DLGAP1: variants seen among roughly 807,000 people sequenced by gnomAD.
The protein encoded by DLGAP1 is DLG associated protein 1.
DLGAP1 carries 11 observed loss-of-function variants against 90.8 expected under a neutral mutation model. The observed-to-expected ratio is 0.12, with a 90% CI of 0.08 to 0.20. DLGAP1 has a LOEUF of 0.20. DLGAP1 is among the 10% of genes least tolerant of loss of function. DLGAP1 has a pLI of 1.00. For missense variants in DLGAP1, 1,050 were observed against 1,333.8 expected, an observed-to-expected ratio of 0.79 and a Z score of 3.31; for synonymous variants, 558 against 540.7, an observed-to-expected ratio of 1.03 and a Z score of -0.44.
chr18:4,431,707 A>G (rs980159279), intron 1 of DLGAP1, among the ~76,000 whole-genome samples: 1 of 152,110 alleles, frequency 6.6e-6, no homozygotes, highest in East Asian at 1.9e-4. Context: ...GAGTACTTCT[A>G]TTTTCTGTAC....
intron 1 of DLGAP1, among the ~76,000 whole-genome samples, chr18:4,414,182 C>CATT (rs3070235): frequency 0.48 from 73,065 of 151,756 alleles, 18,045 homozygotes; most frequent in African/African-American, 0.61. Flanking sequence ...AGAATACAAA[C>CATT]ATTCAATAAT....
rs2059634569 is a variant in DLGAP1, at chr18:3,660,038, C to T, written c.1591+69097G>A. Among the ~76,000 whole-genome samples the T allele has an allele frequency of 1.3e-5, 2 of 152,196 alleles. No homozygotes were observed. Among genetic ancestry groups the T allele is most frequent in the Admixed American group, 1.3e-4 (2 of 15,260 alleles). ...CCTAAACTGCCCAATCTTCCTATAA[C>T]CAGCTCTTTTCTTTTGTTCACATTT... On this transcript the variant is annotated intron_variant, in intron 7 of 12. Transcript: ENST00000315677. This position sits in a 1 kb window ranked among gnomAD's most constrained non-coding sequence, Gnocchi z 4.2.
At chr18:3,839,695 CCCAGG>C (rs2068602719) in intron 4 of DLGAP1, among the ~76,000 whole-genome samples, 1 of 152,168 alleles carries the variant, frequency 6.6e-6, no homozygotes, top group South Asian at 2.1e-4. Context: ...GTTTTAAAGA[CCCAGG>C]AGGTCTTTTT....
chr18:4,303,575 A>C (rs2080178915), intron 1 of DLGAP1, among the ~76,000 whole-genome samples: 1 of 152,164 alleles, frequency 6.6e-6, no homozygotes, highest in South Asian at 2.1e-4. Flanking sequence ...TTGACAATTC[A>C]AATTTTTTTC....
intron 3 of DLGAP1, among the ~76,000 whole-genome samples, chr18:3,994,656 A>G (rs1052162957): frequency 5.5e-4 from 84 of 152,224 alleles, no homozygotes; most frequent in Non-Finnish European, 1.2e-4. Flanking sequence ...TCCAGGTACA[A>G]AAGATCTGAA....
chr18:4,233,753 T>C (rs2078346892), intron 1 of DLGAP1, among the ~76,000 whole-genome samples: 2 of 152,150 alleles, frequency 1.3e-5, no homozygotes, highest in African/African-American at 4.8e-5. Context: ...TAATTGGAGA[T>C]AAAAGATACT....
chr18:3,944,408 A>G (rs1217996705), intron 3 of DLGAP1, among the ~76,000 whole-genome samples: 2 of 152,186 alleles, frequency 1.3e-5, no homozygotes, highest in African/African-American at 2.4e-5. Flanking sequence ...AGGCAGGAGA[A>G]TTGCTTGAAC....
intron 1 of DLGAP1, among the ~76,000 whole-genome samples, chr18:4,438,633 C>T (rs1455977451): frequency 6.6e-6 from 1 of 151,932 alleles, no homozygotes; most frequent in African/African-American, 2.4e-5. Flanking sequence ...CTGAGAAACA[C>T]AGTTTATCTT....
In DLGAP1 at chr18:3,534,810, G is replaced by A. The variant is rs557479705; in HGVS notation, c.2058-195C>T. ...AGGTTCAAGCGATTCTCCCACCTCA[G>A]CCTCCCGAGTAGCTGAGATTACAGG... On this transcript the variant is annotated intron_variant, in intron 9 of 12. Transcript: ENST00000315677. 2.0e-3 allele frequency among the ~76,000 whole-genome samples: 308 copies of A among 150,770 alleles called. 1 individual carries two copies. Among genetic ancestry groups the A allele is most frequent in the Middle Eastern group, 3.4e-3 (1 of 294 alleles).
intron 4 of DLGAP1, among the ~76,000 whole-genome samples, chr18:3,823,715 C>T (rs113868949): frequency 1.3e-5 from 2 of 151,818 alleles, no homozygotes; most frequent in African/African-American, 2.4e-5. Context: ...TTTGGGAGGC[C>T]GAGGCGGGCA....
intron 7 of DLGAP1, among the ~76,000 whole-genome samples, chr18:3,695,644 C>T (rs1359203028): frequency 1.3e-5 from 2 of 152,164 alleles, no homozygotes; most frequent in African/African-American, 2.4e-5. Flanking sequence ...TGTGATGCCT[C>T]CAGCTTTGTT....
intron 6 of DLGAP1, among the ~76,000 whole-genome samples, chr18:3,733,395 T>C (rs2062517534): frequency 6.6e-6 from 1 of 152,226 alleles, no homozygotes; most frequent in South Asian, 2.1e-4. Flanking sequence ...TTAGATCTTT[T>C]TCTGGGCTAT....
At chr18:4,269,887 T>C (rs2079236059) in intron 1 of DLGAP1, among the ~76,000 whole-genome samples, 3 of 152,228 alleles carry the variant, frequency 2.0e-5, no homozygotes, top group Admixed American at 1.3e-4. Context: ...CCTGAACTTA[T>C]GTCTGTTTTA....
At chr18:3,708,526 C>A (rs1472807816) in intron 7 of DLGAP1, 1 of 456,514 alleles carries the variant, frequency 2.2e-6, no homozygotes, top group Non-Finnish European at 4.4e-6. Context: ...ACAAGTGTCT[C>A]ATTTCTGCTC....
rs2053433494 is a variant in DLGAP1, at chr18:3,551,609, CT to C, written c.2057+15880del. ...TCTTTCTTTCTTTTTCTTTTTCTTT[CT>C]TTCTTTCTTTTTCTTTCTTTCTTTC... On this transcript the variant is annotated intron_variant, in intron 9 of 12. Coordinates refer to ENST00000315677, the MANE Select transcript of DLGAP1 (RefSeq NM_004746.4). 9.1e-4 allele frequency among the ~76,000 whole-genome samples: 10 copies of C among 11,000 alleles called. 2 individuals carry two copies. Among genetic ancestry groups the C allele is most frequent in the East Asian group, 4.6e-3 (1 of 216 alleles). The allele number at this position is 11,000 out of a possible 152,430, so 7.2% of individuals were successfully genotyped here.
At chr18:4,382,819 G>T (rs1489713416) in intron 1 of DLGAP1, among the ~76,000 whole-genome samples, 1 of 152,030 alleles carries the variant, frequency 6.6e-6, no homozygotes, top group African/African-American at 2.4e-5. Context: ...GCATAATAAA[G>T]ATTTAAGAAA....
chr18:3,939,416 C>CAAA (rs10591716), intron 3 of DLGAP1, among the ~76,000 whole-genome samples: 24 of 82,120 alleles, frequency 2.9e-4, no homozygotes, highest in African/African-American at 9.4e-4. Context: ...GATTCTGTCT[C>CAAA]AAAAAAAAAA....
At chr18:4,073,690 T>C (rs902278225) in intron 2 of DLGAP1, among the ~76,000 whole-genome samples, 1 of 152,114 alleles carries the variant, frequency 6.6e-6, no homozygotes, top group African/African-American at 2.4e-5. Context: ...TTCCAATGAA[T>C]GTTTTTTAAA....
chr18:3,709,681 A>G (rs888000291), intron 7 of DLGAP1, among the ~76,000 whole-genome samples: 4 of 152,162 alleles, frequency 2.6e-5, no homozygotes, highest in Admixed American at 1.3e-4. Flanking sequence ...TCAATGGAAA[A>G]AGTAGGTTTC....
Sources: gnomAD v4.1 joint callset for allele counts (sites outside exome capture counted in the v4.1 genomes callset) on GRCh38, gnomAD v4.1.1 for gene constraint, Gnocchi (gnomAD v3.1) non-coding constraint, MANE v1.5 for transcripts, NCBI Gene and HGNC (gene_info 2026-07-23, HGNC 2026-07-21) for gene names.